The following PLCL1 variants were observed in gnomAD, a reference collection of about 807,000 sequenced individuals.
PLCL1 encodes the protein phospholipase C like 1 (inactive), also known as inactive phospholipase C-like protein 1.
Under a neutral mutation model 84.4 loss-of-function variants are expected in PLCL1, and 41 were observed. The ratio of observed to expected loss-of-function variants is 0.49; its 90% CI spans 0.38 to 0.63. The LOEUF (loss-of-function observed/expected upper bound fraction) is 0.63, where lower values mean the gene tolerates loss of function less well. PLCL1 is among the 30% of genes least tolerant of loss of function. The pLI is 0.00. For missense variants in PLCL1, 1,206 were observed against 1,367.8 expected, an observed-to-expected ratio of 0.88 and a Z score of 1.87; for synonymous variants, 490 against 488.3, an observed-to-expected ratio of 1.00 and a Z score of -0.05.
chr2:197,866,142 CTATA>C lies in PLCL1; in HGVS notation c.240+60814_240+60817del, dbSNP rs1214760475. The stretch of plus-strand genomic sequence containing the variant: ...TATATAAACTATATATATATATAAA[CTATA>C]TATATATATAAACTATATATATATA... On this transcript the variant is annotated intron_variant, in intron 1 of 5. Transcript: ENST00000428675. Among the ~76,000 whole-genome samples the C allele has an allele frequency of 3.8e-4, 3 of 7,910 alleles. 1 individual carries two copies. The highest frequency in any genetic ancestry group is 6.0e-4 in the Non-Finnish European group (3 of 4,974). 5.2% of individuals were successfully genotyped at this position (7,910 alleles called of 152,430 possible).
intron 1 of PLCL1, among the ~76,000 whole-genome samples, chr2:197,902,081 T>A (rs1195265224): frequency 7.2e-5 from 11 of 152,124 alleles, no homozygotes. Context: ...TTCAGTTAAA[T>A]GAAAATAACA....
intron 1 of PLCL1, among the ~76,000 whole-genome samples, chr2:198,066,223 A>G (rs1052460212): frequency 6.6e-6 from 1 of 152,172 alleles, no homozygotes; most frequent in African/African-American, 2.4e-5. Context: ...TTTGAAAACC[A>G]CTAATAACCT....
intron 1 of PLCL1, among the ~76,000 whole-genome samples, chr2:197,986,535 A>G (rs528807305): frequency 6.6e-6 from 1 of 152,194 alleles, no homozygotes; most frequent in East Asian, 1.9e-4. Context: ...AATTTTGTAG[A>G]GATGGAGTCT....
intron 1 of PLCL1, among the ~76,000 whole-genome samples, chr2:197,896,679 C>A (rs1342571103): frequency 1.3e-5 from 2 of 152,040 alleles, no homozygotes; most frequent in Admixed American, 6.6e-5. Context: ...AGCTCATTTT[C>A]TATAAGCCAC....
intron 1 of PLCL1, chr2:198,002,113 C>T (rs1426576184): frequency 1.3e-5 from 3 of 226,790 alleles, no homozygotes; most frequent in Non-Finnish European, 2.8e-5. Context: ...CATCTCCACC[C>T]CCTGGTCCAT....
At chr2:197,890,266 A>G (rs1027653519) in intron 1 of PLCL1, among the ~76,000 whole-genome samples, 3 of 152,232 alleles carry the variant, frequency 2.0e-5, no homozygotes, top group African/African-American at 7.2e-5. Flanking sequence ...GTGTTATGAG[A>G]TAAGATATTT....
chr2:198,094,628 A>T (rs1384707447), intron 3 of PLCL1, among the ~76,000 whole-genome samples: 1 of 152,174 alleles, frequency 6.6e-6, no homozygotes, highest in East Asian at 1.9e-4. Flanking sequence ...AAATGCAGCA[A>T]CATCCCTGTG....
intron 5 of PLCL1, among the ~76,000 whole-genome samples, chr2:198,135,251 A>G (rs1245758091): frequency 6.6e-6 from 1 of 152,158 alleles, no homozygotes; most frequent in African/African-American, 2.4e-5. Flanking sequence ...TGGAAAGTTA[A>G]TTTGAGATGT....
chr2:197,823,645 C>G (rs1690862922), intron 1 of PLCL1, among the ~76,000 whole-genome samples: 2 of 152,068 alleles, frequency 1.3e-5, no homozygotes, highest in Non-Finnish European at 2.9e-5. Flanking sequence ...GCTGCCATAT[C>G]TAACCAGGTT....
intron 1 of PLCL1, among the ~76,000 whole-genome samples, chr2:198,002,913 C>A (rs560925158): frequency 6.6e-6 from 1 of 152,164 alleles, no homozygotes; most frequent in South Asian, 2.1e-4. Context: ...TGGTCATCAT[C>A]CTGCTTAAGG....
At position 198,148,339 on chromosome 2, in the gene PLCL1, T is replaced by A. The variant is rs1159578436; in HGVS notation, c.*1377T>A. 6.6e-6 allele frequency: 1 copy of A among 152,360 alleles called. No homozygotes were observed. Among genetic ancestry groups the A allele is most frequent in the African/African-American group, 2.4e-5 (1 of 41,460 alleles). The allele number at this position is 152,360 out of a possible 1,614,324, so 9.4% of individuals were successfully genotyped here. A position where few individuals can be genotyped will look rare whatever the true frequency, so the allele number is the denominator to read the frequency against. On this transcript the variant is annotated 3_prime_UTR_variant, in exon 6 of 6. Coordinates refer to ENST00000428675, the MANE Select transcript of PLCL1 (RefSeq NM_006226.4). ...ACATCTCCTATAGCTTCTGTGTTAT[T>A]TCTGACTTCTTAACACTATTATGTT... is the stretch of plus-strand genomic sequence containing the variant.
chr2:197,878,394 A>G (rs1007848203), intron 1 of PLCL1, among the ~76,000 whole-genome samples: 3 of 152,178 alleles, frequency 2.0e-5, no homozygotes, highest in African/African-American at 7.2e-5. Context: ...TGGACTTTGA[A>G]TTGGTTACTT....
chr2:197,914,904 T>C (rs1205817073), intron 1 of PLCL1, among the ~76,000 whole-genome samples: 3 of 152,156 alleles, frequency 2.0e-5, no homozygotes, highest in African/African-American at 4.8e-5. Flanking sequence ...TCTGCAATAG[T>C]GGCCTGGAAG....
At chr2:198,119,830 A>C (rs1017218050) in intron 5 of PLCL1, among the ~76,000 whole-genome samples, 4 of 152,012 alleles carry the variant, frequency 2.6e-5, no homozygotes, top group African/African-American at 9.6e-5. Flanking sequence ...TACAGTGCTG[A>C]GATTTAGGAG....
chr2:198,042,457 A>G (rs920929594), intron 1 of PLCL1, among the ~76,000 whole-genome samples: 4 of 152,210 alleles, frequency 2.6e-5, no homozygotes, highest in African/African-American at 9.6e-5. Context: ...TTTTAGCAAT[A>G]TGGGTCTTAA....
At chr2:197,853,465 A>G (rs1325026287) in intron 1 of PLCL1, among the ~76,000 whole-genome samples, 2 of 152,096 alleles carry the variant, frequency 1.3e-5, no homozygotes, top group African/African-American at 2.4e-5. Flanking sequence ...CCTAGGACAA[A>G]CTTTAATTTC....
At chr2:198,099,850 T>C (rs1482870092) in intron 3 of PLCL1, among the ~76,000 whole-genome samples, 1 of 152,204 alleles carries the variant, frequency 6.6e-6, no homozygotes, top group South Asian at 2.1e-4. Flanking sequence ...AAGCATGTAA[T>C]AAAGTTTTAA....
At chr2:198,095,885 G>A (rs895009213) in intron 3 of PLCL1, among the ~76,000 whole-genome samples, 2 of 152,254 alleles carry the variant, frequency 1.3e-5, no homozygotes, top group East Asian at 1.9e-4. Context: ...AAGCAGAGAC[G>A]GAATCAGCAC....
intron 5 of PLCL1, among the ~76,000 whole-genome samples, chr2:198,132,084 A>G (rs546186675): frequency 1.3e-5 from 2 of 152,058 alleles, no homozygotes; most frequent in African/African-American, 4.8e-5. Flanking sequence ...TCCTCTCTAT[A>G]TTTTCTAGCA....
Sources: allele counts gnomAD v4.1 joint callset (sites outside exome capture counted in the v4.1 genomes callset), GRCh38; gene constraint gnomAD v4.1.1; transcripts MANE v1.5; gene names NCBI Gene and HGNC (gene_info 2026-07-23, HGNC 2026-07-21).